Variants in NEXN observed in about 807,000 individuals in gnomAD.
NEXN encodes the protein nexilin.
NEXN carries 65 observed loss-of-function variants against 92.6 expected under a neutral mutation model. The observed-to-expected ratio is 0.70, with a 90% confidence interval of 0.57 to 0.86. NEXN has a LOEUF of 0.86. Ranked by LOEUF, NEXN falls within the 40% of genes least tolerant of loss-of-function variation. NEXN has a pLI of 0.00. For missense variants in NEXN, 778 were observed against 771.1 expected (o/e 1.01, Z -0.11); for synonymous variants, 254 against 242.5 (o/e 1.05, Z -0.44).
In NEXN at chr1:77,917,968, A is replaced by G; in HGVS notation, c.228A>G (p.Glu76=). ...TTTATTTAACCATCTAGATTAAAGA[A>G]ATGCTTGCTTCTGATGATGAGGAAG... ...EWNRRKQEIK[E]MLASDDEEDV... Residue 76 remains glutamate, a synonymous_variant, in exon 4 of 13, where the codon GAA becomes GAG. Transcript: ENST00000334785. 1.2e-6 allele frequency: 2 copies of G among 1,612,324 alleles called. No individual in the cohort carries two copies. Among genetic ancestry groups the G allele is most frequent in the Middle Eastern group, 1.7e-4 (1 of 5,716 alleles).
At chr1:77,938,570 C>T (rs924052843) in intron 11 of NEXN, among the ~76,000 whole-genome samples, 3 of 132,806 alleles carry the variant, frequency 2.3e-5, no homozygotes, top group African/African-American at 2.9e-5. Context: ...TCCAGCCTGG[C>T]GACAGAGCAA....
At chr1:77,941,332 CT>C (rs1651288223) in intron 11 of NEXN, among the ~76,000 whole-genome samples, 1 of 152,108 alleles carries the variant, frequency 6.6e-6, no homozygotes, top group South Asian at 2.1e-4. Flanking sequence ...TGCTCTAGAC[CT>C]TATCATTACC....
At chr1:77,927,189 C>T (rs1475156879) in intron 8 of NEXN, among the ~76,000 whole-genome samples, 4 of 151,800 alleles carry the variant, frequency 2.6e-5, no homozygotes, top group African/African-American at 7.3e-5. Context: ...GCACGAGAAT[C>T]ACTTGAACTT....
At chr1:77,912,757 A>T (rs1368752216) in intron 1 of NEXN, among the ~76,000 whole-genome samples, 2 of 152,212 alleles carry the variant, frequency 1.3e-5, no homozygotes, top group Admixed American at 6.5e-5. Flanking sequence ...CAAAAAACTG[A>T]ATCTAGAAAT....
intron 6 of NEXN, among the ~76,000 whole-genome samples, chr1:77,925,976 A>G (rs1223848725): frequency 6.6e-6 from 1 of 152,110 alleles, no homozygotes; most frequent in Non-Finnish European, 1.5e-5. Flanking sequence ...TTTCTCACTA[A>G]ATACTGGTTT....
Position 77,925,202 on chromosome 1 carries a change from C to T in NEXN, c.462C>T (p.Asn154=). 1 of 1,597,646 alleles carries T rather than the reference C, an allele frequency of 6.3e-7. No homozygotes were observed. Among genetic ancestry groups the T allele is most frequent in the South Asian group, 1.1e-5 (1 of 89,556 alleles). The part of the protein sequence containing the change: ...AKRAEQIEDI[N]NTGTESASEE... ...TCATTCAATAGATTGAGGACATAAACAATACGGGAACTGAATCAGCATCAG... is the reference window on the plus strand; with the variant it reads ...TCATTCAATAGATTGAGGACATAAATAATACGGGAACTGAATCAGCATCAG... Residue 154 remains asparagine, a synonymous_variant, in exon 6 of 13, where the codon AAC becomes AAT. Transcript: ENST00000334785.
chr1:77,931,901 G>A (rs1211030950), intron 9 of NEXN: 4 of 152,128 alleles, frequency 2.6e-5, no homozygotes, highest in African/African-American at 9.7e-5. Context: ...GTTCAGGCCA[G>A]AGGGTTATGT....
At chr1:77,934,328 A>G (rs1388955016) in intron 10 of NEXN, among the ~76,000 whole-genome samples, 3 of 151,764 alleles carry the variant, frequency 2.0e-5, no homozygotes, top group Non-Finnish European at 2.9e-5. Flanking sequence ...TTTCTTTTCT[A>G]AAGATGGGGT....
intron 9 of NEXN, among the ~76,000 whole-genome samples, chr1:77,930,316 C>A (rs1392735211): frequency 1.3e-5 from 2 of 152,184 alleles, no homozygotes. Context: ...TGATGTCCAA[C>A]CAGTCACTAA....
chr1:77,906,565 T>TG (rs1313332227), intron 1 of NEXN, among the ~76,000 whole-genome samples: 1 of 152,126 alleles, frequency 6.6e-6, no homozygotes, highest in Non-Finnish European at 1.5e-5. Context: ...TTAAAATATA[T>TG]GTGGGTTTGG....
chr1:77,927,051 G>C (rs1042069903), intron 8 of NEXN, among the ~76,000 whole-genome samples, 159 bp downstream of exon 8: 1 of 151,984 alleles, frequency 6.6e-6, no homozygotes, highest in African/African-American at 2.4e-5. Context: ...GGCTAGGCAC[G>C]GTGGCTCATG....
At chr1:77,891,153 A>G (rs187633212) in intron 1 of NEXN, among the ~76,000 whole-genome samples, 3 of 152,268 alleles carry the variant, frequency 2.0e-5, no homozygotes, top group East Asian at 1.9e-4. Context: ...TTTACTTTCT[A>G]TACTCCAGGG....
intron 11 of NEXN, among the ~76,000 whole-genome samples, chr1:77,937,133 G>GT (rs1157247822): frequency 7.3e-5 from 11 of 151,044 alleles, no homozygotes; most frequent in African/African-American, 1.5e-4. Context: ...TGGCAAAACC[G>GT]TATCTGTACA....
intron 10 of NEXN, among the ~76,000 whole-genome samples, chr1:77,934,904 G>A (rs1307333400): frequency 6.6e-6 from 1 of 152,210 alleles, no homozygotes; most frequent in Non-Finnish European, 1.5e-5. Flanking sequence ...TAAGAGTGAT[G>A]TTTACTTTGT....
intron 5 of NEXN, among the ~76,000 whole-genome samples, chr1:77,923,160 A>AT (rs763944057): frequency 0.18 from 22,141 of 124,332 alleles, 2,334 homozygotes; most frequent in African/African-American, 0.22. Context: ...CACCCAGCTA[A>AT]TTTTTTTTTT....
At chr1:77,906,259 A>C (rs2102060878) in intron 1 of NEXN, among the ~76,000 whole-genome samples, 1 of 152,332 alleles carries the variant, frequency 6.6e-6, no homozygotes, top group African/African-American at 2.4e-5. Context: ...CAATATAATG[A>C]GAAAAGCATT....
intron 11 of NEXN, among the ~76,000 whole-genome samples, chr1:77,936,657 A>C (rs780834251): frequency 2.9e-4 from 44 of 152,236 alleles, no homozygotes; most frequent in Middle Eastern, 3.2e-3. Flanking sequence ...AGAGGCAATC[A>C]CTGACCTGCA....
At chr1:77,909,436 A>T (rs531974959) in intron 1 of NEXN, among the ~76,000 whole-genome samples, 24 of 152,210 alleles carry the variant, frequency 1.6e-4, no homozygotes, top group African/African-American at 2.9e-4. Context: ...ATAAATAAAT[A>T]AATAAATTAA....
intron 1 of NEXN, among the ~76,000 whole-genome samples, chr1:77,900,119 C>T (rs1163386032): frequency 6.6e-6 from 1 of 152,214 alleles, no homozygotes; most frequent in Non-Finnish European, 1.5e-5. Context: ...TGTGCCCAGC[C>T]TGTCCTTCTA....
Sources: allele counts gnomAD v4.1 joint callset (sites outside exome capture counted in the v4.1 genomes callset), GRCh38; gene constraint gnomAD v4.1.1; transcripts MANE v1.5; gene names NCBI Gene and HGNC (gene_info 2026-07-23, HGNC 2026-07-21).